Variants in PHF20L1 observed in about 807,000 individuals in gnomAD.
PHF20L1 encodes PHD finger protein 20 like 1.
A neutral mutation model predicts 125.5 loss-of-function variants in PHF20L1; 44 were observed. That is an observed-to-expected ratio of 0.35 (90% CI 0.28 to 0.45). The LOEUF is 0.45. Among genes scored for constraint, PHF20L1 ranks in the 20% least tolerant of loss-of-function variants. The probability of loss-of-function intolerance (pLI) is 1.00; values close to 1 mark genes in which losing one functional copy is unlikely to be tolerated. For missense variants in PHF20L1, 1,012 were observed against 1,217.2 expected, an observed-to-expected ratio of 0.83 and a Z score of 2.51; for synonymous variants, 380 against 403.1, an observed-to-expected ratio of 0.94 and a Z score of 0.69.
At chr8:132,791,400 TG>T (rs1410297673) in intron 2 of PHF20L1, among the ~76,000 whole-genome samples, 1 of 151,892 alleles carries the variant, frequency 6.6e-6, no homozygotes, top group East Asian at 1.9e-4. Context: ...ATTACAGGCA[TG>T]TGCCACCATG....
rs71299034 is a variant in PHF20L1, at chr8:132,843,605, TTG to T, written c.2749-518_2749-517del. On this transcript the variant is annotated intron_variant, in intron 19 of 20. Transcript: ENST00000395386. ...TATCTCTGGCAAATCCAAACGCACATTGTGTGTGTGTGTGTGTGTGTGTGTGT... is the reference window on the plus strand; with the variant it reads ...TATCTCTGGCAAATCCAAACGCACATTGTGTGTGTGTGTGTGTGTGTGTGT... 7,165 of 941,386 alleles carry T rather than the reference TTG, an allele frequency of 7.6e-3. 58 individuals are homozygous for T. Among genetic ancestry groups the T allele is most frequent in the African/African-American group, 0.057 (3,159 of 55,210 alleles). The allele number at this position is 941,386 out of a possible 1,614,324, so 58.3% of individuals were successfully genotyped here. A position where few individuals can be genotyped will look rare whatever the true frequency, so the allele number is the denominator to read the frequency against.
chr8:132,830,957 C>T (rs1466279035), intron 14 of PHF20L1, among the ~76,000 whole-genome samples: 1 of 152,014 alleles, frequency 6.6e-6, no homozygotes, highest in Non-Finnish European at 1.5e-5. Flanking sequence ...GCCGTCTTAG[C>T]TCTCGGCCTC....
intron 6 of PHF20L1, 63 bp downstream of exon 6, chr8:132,799,235 G>A (rs1832761516): frequency 2.2e-6 from 2 of 914,622 alleles, no homozygotes; most frequent in African/African-American, 1.7e-5. Flanking sequence ...CATTTAGAAA[G>A]TTAAAAATTT....
intron 14 of PHF20L1, 82 bp downstream of exon 14, chr8:132,825,453 G>A: frequency 8.9e-7 from 1 of 1,126,144 alleles, no homozygotes; most frequent in Non-Finnish European, 1.2e-6. Flanking sequence ...ACAAAATGGA[G>A]TCATGACACG....
chr8:132,839,634 C>T (rs1305296660), intron 18 of PHF20L1, 52 bp downstream of exon 18: 1 of 1,277,742 alleles, frequency 7.8e-7, no homozygotes, highest in South Asian at 1.2e-5. Context: ...CGTTTTAATT[C>T]AAACCAACAC....
chr8:132,817,572 A>C, intron 12 of PHF20L1, 27 bp downstream of exon 12: 2 of 1,468,776 alleles, frequency 1.4e-6, no homozygotes, highest in Non-Finnish European at 1.9e-6. Flanking sequence ...AAAGGCTCCT[A>C]TAAGTAGATA....
chr8:132,781,205 GTGGAAATAATC>G (rs1830387711), intron 2 of PHF20L1, among the ~76,000 whole-genome samples: 2 of 152,072 alleles, frequency 1.3e-5, no homozygotes, highest in Non-Finnish European at 2.9e-5. Flanking sequence ...AATTTAGTAG[GTGGAAATAATC>G]TGAAGTTAAG....
chr8:132,836,770 C>A, intron 16 of PHF20L1, 49 bp downstream of exon 16: 1 of 1,306,388 alleles, frequency 7.7e-7, no homozygotes, highest in Non-Finnish European at 1.1e-6. Context: ...GTTTCAGGTG[C>A]TCAGCAAATG....
At chr8:132,833,805 A>C (rs549912328) in intron 15 of PHF20L1, among the ~76,000 whole-genome samples, 2 of 152,240 alleles carry the variant, frequency 1.3e-5, no homozygotes, top group South Asian at 4.1e-4. Flanking sequence ...CCTTATGATC[A>C]AGTACTAAGT....
intron 8 of PHF20L1, chr8:132,807,055 T>A (rs1234320438): frequency 2.0e-5 from 3 of 152,014 alleles, no homozygotes; most frequent in Admixed American, 1.3e-4. Flanking sequence ...AGGTAGACAT[T>A]GACAATATAG....
intron 12 of PHF20L1, among the ~76,000 whole-genome samples, chr8:132,821,258 A>G (rs1376836176): frequency 6.6e-6 from 1 of 152,018 alleles, no homozygotes; most frequent in African/African-American, 2.4e-5. Flanking sequence ...ACTATCATAG[A>G]TGAGATAGTT....
intron 13 of PHF20L1, chr8:132,824,768 G>C (rs1835975015): frequency 5.7e-6 from 1 of 174,750 alleles, no homozygotes; most frequent in South Asian, 1.2e-4. Context: ...AGCCTTCATT[G>C]TTAAACACAC....
chr8:132,782,176 G>A (rs1420065194), intron 2 of PHF20L1, among the ~76,000 whole-genome samples: 1 of 152,194 alleles, frequency 6.6e-6, no homozygotes, highest in African/African-American at 2.4e-5. Context: ...TGTTGATACA[G>A]AAGTATATTT....
intron 2 of PHF20L1, among the ~76,000 whole-genome samples, chr8:132,784,013 C>G (rs965292344): frequency 3.9e-5 from 6 of 152,056 alleles, no homozygotes; most frequent in African/African-American, 1.4e-4. Flanking sequence ...AGATTTGTAC[C>G]AGTGCACAAA....
At chr8:132,778,756 T>A (rs1830100444) in intron 2 of PHF20L1, among the ~76,000 whole-genome samples, 1 of 152,216 alleles carries the variant, frequency 6.6e-6, no homozygotes. Flanking sequence ...GGCAGATGTC[T>A]TTTGTTGCCA....
At chr8:132,785,332 TAACTC>T (rs1330966907) in intron 2 of PHF20L1, among the ~76,000 whole-genome samples, 1 of 152,190 alleles carries the variant, frequency 6.6e-6, no homozygotes, top group Admixed American at 6.5e-5. Context: ...TTGTGGTAGT[TAACTC>T]TACTAAAAAG....
chr8:132,844,118 G>A lies in PHF20L1; in HGVS notation c.2749-38G>A, dbSNP rs200658666. ...TAACTCAATGACTGCATTTCATCCC[G>A]TTCTTTGTGTTTATTTTCCAATGGT... On this transcript the variant is annotated intron_variant, in intron 19 of 20. Coordinates refer to ENST00000395386, the MANE Select transcript of PHF20L1 (RefSeq NM_016018.5). 658 of 1,608,364 alleles carry A rather than the reference G, an allele frequency of 4.1e-4. 1 individual carries two copies. Among genetic ancestry groups the A allele is most frequent in the African/African-American group, 8.6e-4 (64 of 74,570 alleles).
intron 2 of PHF20L1, among the ~76,000 whole-genome samples, chr8:132,782,140 C>T (rs1178855449): frequency 6.6e-6 from 1 of 152,106 alleles, no homozygotes; most frequent in African/African-American, 2.4e-5. Context: ...GTAGTAACAT[C>T]ATAAGAATAA....
intron 6 of PHF20L1, 75 bp from the exon 7 acceptor site, chr8:132,803,742 GAC>G: frequency 1.3e-6 from 1 of 748,782 alleles, no homozygotes; most frequent in East Asian, 2.7e-5. Flanking sequence ...TTGAAAATGT[GAC>G]ACATATTTTT....
Sources: gnomAD v4.1 joint callset for allele counts (sites outside exome capture counted in the v4.1 genomes callset) on GRCh38, gnomAD v4.1.1 for gene constraint, MANE v1.5 for transcripts, NCBI Gene and HGNC (gene_info 2026-07-23, HGNC 2026-07-21) for gene names.